The following NRG2 variants were observed in gnomAD, a reference collection of about 807,000 sequenced individuals.
NRG2 encodes neuregulin 2.
NRG2 carries 27 observed loss-of-function variants against 73.9 expected under a neutral mutation model. The observed-to-expected ratio is 0.37, with a 90% CI of 0.27 to 0.50. The LOEUF is 0.50. NRG2 is among the 20% of genes least tolerant of loss of function. The probability of loss-of-function intolerance (pLI) is 0.96; values close to 1 mark genes in which losing one functional copy is unlikely to be tolerated. For missense variants in NRG2, 1,126 were observed against 1,210.1 expected, an observed-to-expected ratio of 0.93 and a Z score of 1.03; for synonymous variants, 532 against 541.0, an observed-to-expected ratio of 0.98 and a Z score of 0.23.
At chr5:139,986,207 AT>A (rs1158241956) in intron 1 of NRG2, among the ~76,000 whole-genome samples, 1 of 152,190 alleles carries the variant, frequency 6.6e-6, no homozygotes, top group Non-Finnish European at 1.5e-5. Flanking sequence ...GGAATGAAAA[AT>A]TCTGAATTTC....
chr5:139,966,192 G>C (rs1043551896), intron 1 of NRG2, among the ~76,000 whole-genome samples: 1 of 152,142 alleles, frequency 6.6e-6, no homozygotes, highest in Non-Finnish European at 1.5e-5. Flanking sequence ...CGAAACACAG[G>C]AGTGATGCAC....
At chr5:139,969,209 C>T (rs1460709822) in intron 1 of NRG2, among the ~76,000 whole-genome samples, 1 of 152,236 alleles carries the variant, frequency 6.6e-6, no homozygotes, top group Non-Finnish European at 1.5e-5. Flanking sequence ...ACATATCTGG[C>T]TTTTAATAAC....
chr5:139,937,063 A>G (rs1752903674), intron 1 of NRG2, among the ~76,000 whole-genome samples: 1 of 152,226 alleles, frequency 6.6e-6, no homozygotes, highest in Non-Finnish European at 1.5e-5. Flanking sequence ...TGGCCTCCCA[A>G]ACTGTTGGGA....
At chr5:139,883,651 C>T (rs1470008851) in intron 2 of NRG2, among the ~76,000 whole-genome samples, 1 of 152,166 alleles carries the variant, frequency 6.6e-6, no homozygotes, top group Non-Finnish European at 1.5e-5. Context: ...TGCCACTGCC[C>T]CTGGCCCCTC....
At chr5:139,878,016 C>T (rs1763292125) in intron 3 of NRG2, among the ~76,000 whole-genome samples, 2 of 152,158 alleles carry the variant, frequency 1.3e-5, no homozygotes, top group Non-Finnish European at 2.9e-5. Context: ...ACAGCATGGC[C>T]TACGGAGGGC....
intron 1 of NRG2, among the ~76,000 whole-genome samples, chr5:139,952,595 C>T (rs1754295255): frequency 6.6e-6 from 1 of 152,182 alleles, no homozygotes; most frequent in South Asian, 2.1e-4. Context: ...GGGCTGGAAG[C>T]AGGGAACCTG....
chr5:139,997,067 G>A (rs1294467215), intron 1 of NRG2, among the ~76,000 whole-genome samples: 1 of 152,168 alleles, frequency 6.6e-6, no homozygotes, highest in Non-Finnish European at 1.5e-5. Flanking sequence ...ACCTGAGCTT[G>A]GGAGGTCGAG....
chr5:139,876,942 TG>T (rs1763216886), intron 3 of NRG2, among the ~76,000 whole-genome samples: 1 of 151,372 alleles, frequency 6.6e-6, no homozygotes, highest in East Asian at 1.9e-4. Context: ...TGTGTGTGTG[TG>T]TGTGTGTGTG....
chr5:139,856,001 C>A lies in NRG2; in HGVS notation c.1190-223G>T, dbSNP rs1223239839. On this transcript the variant is annotated intron_variant, in intron 5 of 9. Transcript: ENST00000361474. The surrounding 1 kb of genome is among the most constrained non-coding windows in gnomAD (Gnocchi z 4.2). ...ACCCACCCATGGATCTGGTCACACA[C>A]AACTCCTCCTGAGTTCCCCTCCCCA... 6.6e-6 allele frequency among the ~76,000 whole-genome samples: 1 copy of A among 152,234 alleles called. No individual in the cohort carries two copies. Among genetic ancestry groups the A allele is most frequent in the Admixed American group, 6.5e-5 (1 of 15,290 alleles).
At chr5:140,023,075 T>C (rs1365190481) in intron 1 of NRG2, among the ~76,000 whole-genome samples, 1 of 152,228 alleles carries the variant, frequency 6.6e-6, no homozygotes, top group Non-Finnish European at 1.5e-5. Flanking sequence ...CATGCACCTC[T>C]ACCCAACTCC....
intron 9 of NRG2, 73 bp from the exon 10 acceptor site, chr5:139,848,770 G>GGC: frequency 1.3e-5 from 2 of 159,406 alleles, no homozygotes; most frequent in East Asian, 1.7e-4. Flanking sequence ...TGGGGGTGGG[G>GGC]TAGGGTGGGA....
At chr5:140,000,948 G>A (rs1012559771) in intron 1 of NRG2, among the ~76,000 whole-genome samples, 5 of 152,132 alleles carry the variant, frequency 3.3e-5, no homozygotes, top group African/African-American at 9.7e-5. Flanking sequence ...AGGACTCAAC[G>A]TCCTTCTCGA....
chr5:139,934,279 A>T (rs186521716), intron 1 of NRG2, among the ~76,000 whole-genome samples: 1 of 152,366 alleles, frequency 6.6e-6, no homozygotes, highest in Non-Finnish European at 1.5e-5. Context: ...AAAGATAATG[A>T]TTTAAGGCAA....
At chr5:139,960,936 C>CAA (rs1755011570) in intron 1 of NRG2, among the ~76,000 whole-genome samples, 3 of 152,086 alleles carry the variant, frequency 2.0e-5, no homozygotes, top group African/African-American at 7.2e-5. Flanking sequence ...CTCCTGCCAG[C>CAA]TCCTCCATGA....
chr5:139,892,452 G>T (rs1178163983), intron 1 of NRG2, among the ~76,000 whole-genome samples: 1 of 152,098 alleles, frequency 6.6e-6, no homozygotes, highest in Admixed American at 6.6e-5. Flanking sequence ...AGGCCCTGGG[G>T]TCATGTGGGA....
intron 1 of NRG2, among the ~76,000 whole-genome samples, chr5:139,935,011 A>G (rs1752744288): frequency 6.6e-6 from 1 of 152,184 alleles, no homozygotes; most frequent in Non-Finnish European, 1.5e-5. Flanking sequence ...CTAAAAATAC[A>G]AAACAATTAG....
chr5:139,872,346 C>T (rs1427982482), intron 3 of NRG2, among the ~76,000 whole-genome samples: 21 of 152,136 alleles, frequency 1.4e-4, no homozygotes, highest in Admixed American at 1.4e-3. Context: ...CAGGGGATGG[C>T]ACCTTTAGGA....
chr5:139,896,223 G>C lies in NRG2; in HGVS notation c.701-8712C>G, dbSNP rs1046032442. Reference sequence around the variant, plus strand: ...ATTAATAAGGAAAAGCAGCACCTTTGTATCAGAACAAACAGACATATGGTG... The same window carrying C: ...ATTAATAAGGAAAAGCAGCACCTTTCTATCAGAACAAACAGACATATGGTG... On this transcript the variant is annotated intron_variant, in intron 1 of 9. Coordinates refer to ENST00000361474, the MANE Select transcript of NRG2 (RefSeq NM_004883.3). Among the ~76,000 whole-genome samples the C allele has an allele frequency of 3.3e-5, 5 of 152,348 alleles. No individual in the cohort carries two copies. The South Asian group carries it at 8.3e-4, about 25-fold the overall frequency.
chr5:140,037,662 C>T (rs762827113), intron 1 of NRG2, among the ~76,000 whole-genome samples: 28 of 152,182 alleles, frequency 1.8e-4, no homozygotes, highest in Non-Finnish European at 3.1e-4. Context: ...GTAATCCAAG[C>T]ACTTTGGGGG....
Sources: allele counts gnomAD v4.1 joint callset (sites outside exome capture counted in the v4.1 genomes callset), GRCh38; gene constraint gnomAD v4.1.1; non-coding constraint Gnocchi (gnomAD v3.1); transcripts MANE v1.5; gene names NCBI Gene and HGNC (gene_info 2026-07-23, HGNC 2026-07-21).